The following EPB41L2 variants were observed in gnomAD, a reference collection of about 807,000 sequenced individuals.
The protein encoded by EPB41L2 is erythrocyte membrane protein band 4.1 like 2.
A neutral mutation model predicts 113.0 loss-of-function variants in EPB41L2; 43 were observed. That is an observed-to-expected ratio of 0.38 (90% CI 0.30 to 0.49). EPB41L2 has a LOEUF of 0.49. Among genes scored for constraint, EPB41L2 ranks in the 20% least tolerant of loss-of-function variants. EPB41L2 has a pLI of 0.95. For missense variants in EPB41L2, 1,147 were observed against 1,223.4 expected, an observed-to-expected ratio of 0.94 and a Z score of 0.93; for synonymous variants, 442 against 436.7, an observed-to-expected ratio of 1.01 and a Z score of -0.15.
chr6:130,967,628 C>T (rs1466945139), intron 1 of EPB41L2, among the ~76,000 whole-genome samples: 1 of 151,948 alleles, frequency 6.6e-6, no homozygotes, highest in African/African-American at 2.4e-5. Flanking sequence ...ATAAACATTC[C>T]CCAATCTCTT....
At chr6:130,841,570 G>A (rs1775520813) in intron 19 of EPB41L2, among the ~76,000 whole-genome samples, 1 of 152,220 alleles carries the variant, frequency 6.6e-6, no homozygotes, top group African/African-American at 2.4e-5. Context: ...ACAAATGTCA[G>A]GCATTCCTGC....
At chr6:130,903,569 A>C (rs1177393916) in intron 6 of EPB41L2, among the ~76,000 whole-genome samples, 1 of 151,854 alleles carries the variant, frequency 6.6e-6, no homozygotes, top group Non-Finnish European at 1.5e-5. Context: ...AGACAAGCAG[A>C]CTCTTTTGCT....
intron 3 of EPB41L2, among the ~76,000 whole-genome samples, chr6:130,931,508 C>T (rs573454512): frequency 4.5e-4 from 69 of 152,178 alleles, no homozygotes; most frequent in Admixed American, 4.0e-3. Context: ...TTCTAAAAAG[C>T]ATCAGATTAT....
Position 131,062,767 on chromosome 6 carries a change from C to A in EPB41L2, c.-15+388G>T, listed in dbSNP as rs569140626. Among the ~76,000 whole-genome samples the A allele has an allele frequency of 2.0e-4, 31 of 152,080 alleles. No homozygotes were observed. The East Asian group carries it at 4.9e-3, about 24-fold the overall frequency. On this transcript the variant is annotated intron_variant, in intron 1 of 19. Coordinates refer to ENST00000337057, the MANE Select transcript of EPB41L2 (RefSeq NM_001431.4). ...GGACGCGTGACCTGAGCCCACGGCA[C>A]CCCGGGGGGGACGGCGTCCTCCCCG... is the stretch of plus-strand genomic sequence containing the variant.
intron 1 of EPB41L2, among the ~76,000 whole-genome samples, chr6:130,979,492 C>CAAAA (rs34912861): frequency 3.5e-5 from 3 of 85,320 alleles, no homozygotes; most frequent in African/African-American, 4.5e-5. Flanking sequence ...GAGACTCTGT[C>CAAAA]AAAAAAAAAA....
intron 1 of EPB41L2, among the ~76,000 whole-genome samples, chr6:130,964,178 T>C (rs60446197): frequency 0.038 from 5,775 of 152,154 alleles, 319 homozygotes; most frequent in African/African-American, 0.12. Context: ...CATGCCACCA[T>C]GCCCGGCTAA....
At chr6:130,919,544 A>G (rs1802224127) in intron 4 of EPB41L2, among the ~76,000 whole-genome samples, 4 of 152,050 alleles carry the variant, frequency 2.6e-5, no homozygotes, top group Non-Finnish European at 5.9e-5. Context: ...AACATCTTTG[A>G]ACATTCATCC....
intron 1 of EPB41L2, among the ~76,000 whole-genome samples, chr6:130,979,989 G>A (rs778602339): frequency 2.0e-5 from 3 of 152,136 alleles, no homozygotes; most frequent in Non-Finnish European, 4.4e-5. Flanking sequence ...AACCTATCAA[G>A]GAGGCTAAGA....
Position 130,993,450 on chromosome 6 carries a change from G to A in EPB41L2, c.-14-36951C>T, listed in dbSNP as rs79669950. 1.5e-3 allele frequency among the ~76,000 whole-genome samples: 228 copies of A among 152,362 alleles called. 4 individuals are homozygous for A. The East Asian group carries it at 0.04, about 27-fold the overall frequency. On this transcript the variant is annotated intron_variant, in intron 1 of 19. Coordinates refer to ENST00000337057, the MANE Select transcript of EPB41L2 (RefSeq NM_001431.4). ...GTGCCAACAAACAACACAAGGCGGT[G>A]TGTAGCAACACACTGTTTTAATGAG...
intron 3 of EPB41L2, among the ~76,000 whole-genome samples, chr6:130,934,512 G>A (rs1454540654): frequency 2.0e-5 from 3 of 152,064 alleles, no homozygotes; most frequent in Non-Finnish European, 4.4e-5. Flanking sequence ...TTGCTCTGTT[G>A]CTGAGCCTGG....
At chr6:130,978,907 T>C (rs1403801146) in intron 1 of EPB41L2, 1 of 152,154 alleles carries the variant, frequency 6.6e-6, no homozygotes, top group African/African-American at 2.4e-5. Context: ...GGGCTTATTA[T>C]AAGTGGGTAG....
intron 1 of EPB41L2, among the ~76,000 whole-genome samples, chr6:130,973,272 CT>C (rs35363035): frequency 0.6 from 88,824 of 149,258 alleles, 26,525 homozygotes; most frequent in East Asian, 0.77. Context: ...AGACACAAAA[CT>C]TTTTTTTTTT....
chr6:131,042,354 C>T (rs910472008), intron 1 of EPB41L2, among the ~76,000 whole-genome samples: 1 of 152,112 alleles, frequency 6.6e-6, no homozygotes, highest in East Asian at 1.9e-4. Flanking sequence ...AAAACCTACA[C>T]TACAAGCCTG....
At chr6:130,987,732 A>C (rs982636047) in intron 1 of EPB41L2, among the ~76,000 whole-genome samples, 1 of 136,628 alleles carries the variant, frequency 7.3e-6, no homozygotes, top group South Asian at 2.4e-4. Flanking sequence ...TGAATGAATG[A>C]ATGTTGTTCT....
intron 1 of EPB41L2, among the ~76,000 whole-genome samples, chr6:131,048,342 C>T (rs921109857): frequency 6.6e-6 from 1 of 151,934 alleles, no homozygotes; most frequent in African/African-American, 2.4e-5. Flanking sequence ...GTTTTATGTT[C>T]CTTGTTTTTA....
chr6:130,947,933 TA>T (rs1813499427), intron 3 of EPB41L2, among the ~76,000 whole-genome samples: 2 of 152,348 alleles, frequency 1.3e-5, no homozygotes, highest in East Asian at 3.9e-4. Context: ...TGTTGAGATG[TA>T]AAGTCACAGC....
rs73632226 is a variant in EPB41L2, at chr6:130,865,766, T to C, written c.2731-132A>G. On this transcript the variant is annotated intron_variant, in intron 16 of 19. Transcript: ENST00000337057. ...TGCGTGTTTGCAGTAGTAATTACCA[T>C]CCAGGAGAGCGGCTGGTATTTGAAA... 3,882 of 868,186 alleles carry C rather than the reference T, an allele frequency of 4.5e-3. 112 individuals are homozygous for C. The African/African-American group carries it at 0.057, about 13-fold the overall frequency. 53.8% of individuals were successfully genotyped at this position (868,186 alleles called of 1,614,324 possible).
chr6:130,906,576 C>T (rs1797790273), intron 5 of EPB41L2, among the ~76,000 whole-genome samples: 2 of 152,106 alleles, frequency 1.3e-5, no homozygotes, highest in Admixed American at 6.6e-5. Flanking sequence ...GAAATGTTTA[C>T]ATACTAGTCA....
chr6:130,989,937 C>T (rs1463344079), intron 1 of EPB41L2, among the ~76,000 whole-genome samples: 1 of 152,156 alleles, frequency 6.6e-6, no homozygotes, highest in Non-Finnish European at 1.5e-5. Context: ...AAATAGTTAA[C>T]AAGGAAGGAC....
Sources: allele counts gnomAD v4.1 joint callset (sites outside exome capture counted in the v4.1 genomes callset), GRCh38; gene constraint gnomAD v4.1.1; transcripts MANE v1.5; gene names NCBI Gene and HGNC (gene_info 2026-07-23, HGNC 2026-07-21).